SH3BGR: variants seen among roughly 807,000 people sequenced by gnomAD.
SH3BGR encodes SH3 domain-binding glutamic acid-rich protein.
Under a neutral mutation model 24.5 loss-of-function variants are expected in SH3BGR, and 29 were observed. That is an observed-to-expected ratio of 1.18 (90% CI 0.88 to 1.61). The LOEUF (loss-of-function observed/expected upper bound fraction) is 1.61. SH3BGR is among the 40% of genes most tolerant of loss of function. The pLI is 0.00. For missense variants in SH3BGR, 162 were observed against 205.8 expected (o/e 0.79, Z 1.30); for synonymous variants, 55 against 65.7 (o/e 0.84, Z 0.79).
intron 1 of SH3BGR, among the ~76,000 whole-genome samples, chr21:39,458,647 CT>C (rs569511494): frequency 3.0e-3 from 390 of 130,222 alleles, no homozygotes; most frequent in Admixed American, 2.8e-3. Flanking sequence ...CTAAATCTCA[CT>C]TTTTTTTTTT....
upstream of SH3BGR, chr21:39,451,779 CT>C: frequency 9.0e-7 from 1 of 1,115,830 alleles, no homozygotes; most frequent in Non-Finnish European, 1.3e-6. Context: ...ACAGCCTGGC[CT>C]TTTAGGGACT....
At chr21:39,493,222 G>A (rs1224585293) in intron 3 of SH3BGR, among the ~76,000 whole-genome samples, 1 of 152,132 alleles carries the variant, frequency 6.6e-6, no homozygotes, top group Non-Finnish European at 1.5e-5. Context: ...TTTTTCTGAT[G>A]TTATCTTCTA....
At chr21:39,475,617 T>C (rs183846872) in intron 3 of SH3BGR, among the ~76,000 whole-genome samples, 2 of 152,340 alleles carry the variant, frequency 1.3e-5, no homozygotes, top group African/African-American at 2.4e-5. Context: ...TACCCTTACA[T>C]TATTTCTATT....
chr21:39,499,785 G>C lies in SH3BGR; in HGVS notation c.313-38G>C, dbSNP rs77262670. On this transcript the variant is annotated intron_variant, in intron 3 of 6. Transcript: ENST00000333634. ...GCCTGTTTTTTTTTTTCTTTTTTCTGTTTTTGAGCTCATATCCTGGGTTTC... is the reference window on the plus strand; with the variant it reads ...GCCTGTTTTTTTTTTTCTTTTTTCTCTTTTTGAGCTCATATCCTGGGTTTC... 6.4e-4 allele frequency: 913 copies of C among 1,417,428 alleles called. 7 individuals are homozygous for C. The African/African-American group carries it at 0.012, about 18-fold the overall frequency. 87.8% of individuals were successfully genotyped at this position (1,417,428 alleles called of 1,614,324 possible). A position where few individuals can be genotyped will look rare whatever the true frequency, so the allele number is the denominator to read the frequency against.
intron 3 of SH3BGR, among the ~76,000 whole-genome samples, chr21:39,476,243 G>C (rs985135967): frequency 1.3e-5 from 2 of 152,120 alleles, no homozygotes; most frequent in African/African-American, 4.8e-5. Flanking sequence ...AGCCCAGGAG[G>C]AGCTTGGCTC....
intron 1 of SH3BGR, among the ~76,000 whole-genome samples, chr21:39,454,793 A>T (rs1329746396): frequency 1.3e-5 from 2 of 152,244 alleles, no homozygotes; most frequent in Non-Finnish European, 2.9e-5. Context: ...ATTGTTATAA[A>T]ATAGCCATCC....
chr21:39,450,155 A>C (rs1235318909), upstream of SH3BGR, among the ~76,000 whole-genome samples: 1 of 152,210 alleles, frequency 6.6e-6, no homozygotes, highest in Non-Finnish European at 1.5e-5. Context: ...AAAATATATA[A>C]TTGTATGAAA....
intron 3 of SH3BGR, among the ~76,000 whole-genome samples, chr21:39,497,647 G>GA (rs1187871103): frequency 1.3e-5 from 2 of 151,376 alleles, no homozygotes; most frequent in African/African-American, 2.4e-5. Flanking sequence ...CTACAAAAAA[G>GA]AAAAAAATCA....
intron 2 of SH3BGR, among the ~76,000 whole-genome samples, chr21:39,471,831 T>C (rs772287028): frequency 1.1e-4 from 17 of 152,190 alleles, no homozygotes; most frequent in African/African-American, 1.7e-4. Flanking sequence ...TTAATCCACA[T>C]ATTGGGTTTT....
intron 1 of SH3BGR, among the ~76,000 whole-genome samples, chr21:39,457,700 G>A (rs2077685589): frequency 6.6e-6 from 1 of 151,906 alleles, no homozygotes; most frequent in Non-Finnish European, 1.5e-5. Context: ...AGGAGGCTGA[G>A]GCAGGTGGAT....
chr21:39,505,736 G>T (rs1395899489), intron 4 of SH3BGR, among the ~76,000 whole-genome samples: 6 of 152,190 alleles, frequency 3.9e-5, no homozygotes, highest in African/African-American at 1.4e-4. Context: ...TTGCACTCCA[G>T]TCTGGGCAAC....
intron 6 of SH3BGR, 98 bp from the exon 7 acceptor site, chr21:39,514,990 C>T: frequency 2.7e-6 from 1 of 371,414 alleles, no homozygotes; most frequent in Admixed American, 3.5e-5. Flanking sequence ...GAATAAAAGG[C>T]AACACTTTCC....
intron 3 of SH3BGR, among the ~76,000 whole-genome samples, chr21:39,492,466 G>GTGTGTATATATA (rs1404293146): frequency 7.5e-4 from 105 of 139,728 alleles, no homozygotes; most frequent in African/African-American, 1.9e-3. Context: ...GTGTGTGTGT[G>GTGTGTATATATA]TATATATATA....
At chr21:39,483,860 C>T (rs556921453) in intron 3 of SH3BGR, among the ~76,000 whole-genome samples, 3 of 152,106 alleles carry the variant, frequency 2.0e-5, no homozygotes, top group African/African-American at 4.8e-5. Context: ...ATTAAGTCTC[C>T]GAAAAGAGTT....
intron 1 of SH3BGR, among the ~76,000 whole-genome samples, chr21:39,457,213 A>G (rs2077670331): frequency 7.5e-6 from 1 of 134,082 alleles, no homozygotes; most frequent in Non-Finnish European, 1.5e-5. Context: ...TATAAATTAT[A>G]TAAAAATCAT....
At chr21:39,457,813 A>G (rs932725546) in intron 1 of SH3BGR, among the ~76,000 whole-genome samples, 4 of 151,882 alleles carry the variant, frequency 2.6e-5, no homozygotes, top group Non-Finnish European at 5.9e-5. Context: ...AGTGCCAGCT[A>G]TTCGGGAGGC....
chr21:39,482,344 GA>G (rs1362778605), intron 3 of SH3BGR, among the ~76,000 whole-genome samples: 1 of 152,214 alleles, frequency 6.6e-6, no homozygotes, highest in East Asian at 1.9e-4. Flanking sequence ...ATAGACTGAG[GA>G]AATATGAGAA....
intron 4 of SH3BGR, among the ~76,000 whole-genome samples, chr21:39,505,893 C>T (rs1031075774): frequency 1.3e-5 from 2 of 152,198 alleles, no homozygotes; most frequent in African/African-American, 4.8e-5. Context: ...CTGGTTAATT[C>T]ATTTGTTTCA....
At chr21:39,510,375 CACACACACACACACACTGTAGCT>C (rs879581775) in intron 5 of SH3BGR, among the ~76,000 whole-genome samples, 3,857 of 145,994 alleles carry the variant, frequency 0.026, 74 homozygotes, top group Middle Eastern at 0.054. Flanking sequence ...TACACACACA[CACACACACACACACACTGTAGCT>C]ACACACACAC....
Sources: gnomAD v4.1 joint callset for allele counts (sites outside exome capture counted in the v4.1 genomes callset) on GRCh38, gnomAD v4.1.1 for gene constraint, MANE v1.5 for transcripts, NCBI Gene and HGNC (gene_info 2026-07-23, HGNC 2026-07-21) for gene names.